WDSUB1: variants seen among roughly 807,000 people sequenced by gnomAD.
WDSUB1 encodes WD repeat, sterile alpha motif and U-box domain containing 1, also known as WD repeat, SAM and U-box domain-containing protein 1.
In WDSUB1, 49 loss-of-function variants were observed where a neutral mutation model predicts 53.9. That is an observed-to-expected ratio of 0.91 (90% CI 0.72 to 1.15). WDSUB1 has a LOEUF of 1.15. Among genes scored for constraint, WDSUB1 ranks in the 50% most tolerant of loss-of-function variants. The pLI is 0.00. For synonymous variants in WDSUB1, 194 were observed against 200.6 expected (o/e 0.97, Z 0.28); for missense variants, 514 against 562.0 (o/e 0.91, Z 0.86).
intron 4 of WDSUB1, among the ~76,000 whole-genome samples, chr2:159,275,319 G>T (rs1051290496): frequency 1.3e-5 from 2 of 152,174 alleles, no homozygotes; most frequent in Non-Finnish European, 2.9e-5. Context: ...AGTGCAAAGT[G>T]GTCACCTCTG....
intron 5 of WDSUB1, among the ~76,000 whole-genome samples, chr2:159,262,624 G>C (rs533186773): frequency 6.6e-6 from 1 of 152,294 alleles, no homozygotes; most frequent in South Asian, 2.1e-4. Flanking sequence ...AACTAATGAT[G>C]ATTCCAAGGA....
chr2:159,248,097 C>G (rs541903033), intron 10 of WDSUB1, among the ~76,000 whole-genome samples: 1 of 150,808 alleles, frequency 6.6e-6, no homozygotes, highest in East Asian at 2.0e-4. Context: ...AACAATCTGT[C>G]TTTAAAAAAT....
chr2:159,269,514 A>C (rs146765578), intron 5 of WDSUB1, among the ~76,000 whole-genome samples: 102 of 152,314 alleles, frequency 6.7e-4, no homozygotes, highest in Middle Eastern at 6.8e-3. Flanking sequence ...AATTCCAAGC[A>C]AACTAAATAG....
At chr2:159,238,870 A>G (rs183750647) in intron 10 of WDSUB1, among the ~76,000 whole-genome samples, 20 of 133,144 alleles carry the variant, frequency 1.5e-4, no homozygotes, top group African/African-American at 6.4e-4. Context: ...AAATGGAGAA[A>G]GCTGATATCC....
intron 6 of WDSUB1, among the ~76,000 whole-genome samples, chr2:159,258,383 G>A (rs930053911): frequency 2.6e-5 from 4 of 152,226 alleles, no homozygotes; most frequent in African/African-American, 9.6e-5. Context: ...CCTTGGCCGG[G>A]TGCAGTGGCT....
intron 5 of WDSUB1, among the ~76,000 whole-genome samples, chr2:159,268,947 G>A (rs1360174922): frequency 6.6e-6 from 1 of 151,270 alleles, no homozygotes; most frequent in African/African-American, 2.4e-5. Context: ...GAAAGGAAAG[G>A]GAAAACCATC....
chr2:159,258,069 TATACTAAGTGGATATATTA>T, intron 6 of WDSUB1, 84 bp from the exon 7 acceptor site: 1 of 1,193,860 alleles, frequency 8.4e-7, no homozygotes, highest in Non-Finnish European at 1.2e-6. Context: ...AAATGGGTTG[TATACTAAGTGGATATATTA>T]ATATTTATTA....
At chr2:159,267,835 T>G (rs2061375621) in intron 5 of WDSUB1, among the ~76,000 whole-genome samples, 1 of 152,364 alleles carries the variant, frequency 6.6e-6, no homozygotes, top group Non-Finnish European at 1.5e-5. Flanking sequence ...TGCCTGTCAA[T>G]TCTTCTAAAA....
intron 3 of WDSUB1, 25 bp downstream of exon 3, chr2:159,279,736 T>C (rs533803199): frequency 1.3e-6 from 2 of 1,565,540 alleles, no homozygotes; most frequent in East Asian, 2.3e-5. Flanking sequence ...GAATTTCTAG[T>C]GCTTAAAAGA....
At chr2:159,283,510 A>G (rs7573653) in intron 1 of WDSUB1, among the ~76,000 whole-genome samples, 59,390 of 151,708 alleles carry the variant, frequency 0.39, 13,390 homozygotes, top group Non-Finnish European at 0.54. Flanking sequence ...AGGAGGTTGC[A>G]GTGAGCTGAT....
At chr2:159,244,787 G>A (rs939965702) in intron 10 of WDSUB1, among the ~76,000 whole-genome samples, 6 of 152,018 alleles carry the variant, frequency 3.9e-5, no homozygotes, top group African/African-American at 9.7e-5. Flanking sequence ...CAAGTTAGCC[G>A]GGCATGGTAG....
At chr2:159,279,614 A>C in intron 3 of WDSUB1, 147 bp downstream of exon 3, 1 of 599,210 alleles carries the variant, frequency 1.7e-6, no homozygotes, top group Non-Finnish European at 2.5e-6. Context: ...CAAAAAAGAG[A>C]GAAGGATAAT....
rs1426760347 is a variant in WDSUB1 at position 159,241,817 on chromosome 2, A to G, written c.1274-5627T>C. ...AACCTCTGCCTTCCGGGTTCAAGCAATTCTCCTGCCTCAGCCTCCCAAGTA... is the reference window on the plus strand; with the variant it reads ...AACCTCTGCCTTCCGGGTTCAAGCAGTTCTCCTGCCTCAGCCTCCCAAGTA... On this transcript the variant is annotated intron_variant, in intron 10 of 10. Coordinates refer to ENST00000359774, the MANE Select transcript of WDSUB1 (RefSeq NM_001128212.3). Among the ~76,000 whole-genome samples the G allele has an allele frequency of 1.4e-5, 2 of 141,468 alleles. 1 individual carries two copies. The highest frequency in any genetic ancestry group is 4.4e-4 in the East Asian group (2 of 4,536). The allele number at this position is 141,468 out of a possible 152,430, so 92.8% of individuals were successfully genotyped here.
chr2:159,286,016 T>C (rs10182955), intron 1 of WDSUB1, among the ~76,000 whole-genome samples: 99,268 of 151,814 alleles, frequency 0.65, 33,372 homozygotes, highest in African/African-American at 0.8. Context: ...CAGTGGGAAG[T>C]ACCGAGGCCA....
Position 159,286,676 on chromosome 2 carries a change from C to A in WDSUB1, c.-118G>T, listed in dbSNP as rs947199021. 3.9e-5 allele frequency: 6 copies of A among 152,474 alleles called. No homozygotes were observed. Among genetic ancestry groups the A allele is most frequent in the Admixed American group, 6.5e-5 (1 of 15,306 alleles). 9.4% of individuals were successfully genotyped at this position (152,474 alleles called of 1,614,324 possible). On this transcript the variant is annotated 5_prime_UTR_variant, in exon 1 of 11. Transcript: ENST00000359774. ...CAGGTGAGGCTGGCGGGGCGGGCGC[C>A]GGCGGAGACCCAGAGCAGAGGGAAC...
At chr2:159,275,805 T>G (rs1297400861) in intron 3 of WDSUB1, among the ~76,000 whole-genome samples, 167 bp from the exon 4 acceptor site, 1 of 152,238 alleles carries the variant, frequency 6.6e-6, no homozygotes, top group Non-Finnish European at 1.5e-5. Context: ...GAATTTCTTT[T>G]AAACAAGGTA....
rs773024371 is a variant in WDSUB1, at chr2:159,248,357, T to C, written c.1273+15A>G. ...ACAAAACATCCCCTGCAACTTAGTA[T>C]AGCATCACACATACCTGATGCGATG... is the stretch of plus-strand genomic sequence containing the variant. On this transcript the variant is annotated intron_variant, in intron 10 of 10. Coordinates refer to ENST00000359774, the MANE Select transcript of WDSUB1 (RefSeq NM_001128212.3). The C allele has an allele frequency of 6.2e-6, 10 of 1,608,768 alleles. No individual in the cohort carries two copies. The highest frequency in any genetic ancestry group is 8.5e-6 in the Non-Finnish European group (10 of 1,178,386).
intron 9 of WDSUB1, among the ~76,000 whole-genome samples, chr2:159,249,604 G>GAGAT (rs1364583206): frequency 5.3e-5 from 8 of 152,180 alleles, no homozygotes; most frequent in Non-Finnish European, 7.3e-5. Context: ...TTGGAAGCTA[G>GAGAT]AGATAGTGCG....
At chr2:159,274,581 T>C (rs1349421182) in intron 4 of WDSUB1, among the ~76,000 whole-genome samples, 1 of 152,164 alleles carries the variant, frequency 6.6e-6, no homozygotes, top group Non-Finnish European at 1.5e-5. Context: ...CATTTATCCC[T>C]GGCGAAACCT....
Sources: allele counts gnomAD v4.1 joint callset (sites outside exome capture counted in the v4.1 genomes callset), GRCh38; gene constraint gnomAD v4.1.1; transcripts MANE v1.5; gene names NCBI Gene and HGNC (gene_info 2026-07-23, HGNC 2026-07-21).